The following RSRP1 variants were observed in gnomAD, a reference collection of about 807,000 sequenced individuals.
The protein encoded by RSRP1 is arginine and serine rich protein 1.
RSRP1 carries 37 observed loss-of-function variants against 33.0 expected under a neutral mutation model. That is an observed-to-expected ratio of 1.12 (90% CI 0.86 to 1.48). The LOEUF (loss-of-function observed/expected upper bound fraction) is 1.48, where lower values mean the gene tolerates loss of function less well. Ranked by LOEUF, RSRP1 falls within the 40% of genes most tolerant of loss-of-function variation. The pLI is 0.00. For synonymous variants in RSRP1, 167 were observed against 158.7 expected, an observed-to-expected ratio of 1.05 and a Z score of -0.40; for missense variants, 402 against 385.3, an observed-to-expected ratio of 1.04 and a Z score of -0.36.
chr1:25,244,923 A>G, intron 3 of RSRP1: 2 of 1,379,304 alleles, frequency 1.5e-6, no homozygotes, highest in Admixed American at 3.0e-5. Flanking sequence ...GACTCAAGCC[A>G]TCTGCCTCAT....
chr1:25,246,350 A>C, intron 2 of RSRP1, 94 bp downstream of exon 2: 1 of 1,523,878 alleles, frequency 6.6e-7, no homozygotes, highest in Non-Finnish European at 8.8e-7. Context: ...TAAAGGAACT[A>C]ATATTGAAAC....
chr1:25,257,152 C>T (rs189951464), intron 1 of RSRP1, among the ~76,000 whole-genome samples: 2 of 152,280 alleles, frequency 1.3e-5, no homozygotes, highest in African/African-American at 2.4e-5. Flanking sequence ...AAGGTTGTCA[C>T]GACAATGTAT....
rs551234032 is a variant in RSRP1 at position 25,309,226 on chromosome 1, C to A, written c.-67+28752G>T. Among the ~76,000 whole-genome samples the A allele has an allele frequency of 1.2e-4, 16 of 131,698 alleles. No homozygotes were observed. The South Asian group carries it at 3.7e-3, about 30-fold the overall frequency. 86.4% of individuals were successfully genotyped at this position (131,698 alleles called of 152,430 possible). The stretch of plus-strand genomic sequence containing the variant: ...ACCAGGATGGAGCATTTCCCACAAA[C>A]TGTGGGATTTTTAAGTAATGGGAAG... On this transcript the variant is annotated intron_variant, in intron 1 of 1. Transcript: ENST00000561867.
upstream of RSRP1, chr1:25,247,868 G>C (rs745901593): frequency 2.7e-5 from 4 of 150,704 alleles, no homozygotes; most frequent in Non-Finnish European, 4.4e-5. Context: ...TCGCAGCCGG[G>C]CTCGGAGCTG....
chr1:25,292,276 G>A (rs1159022295), intron 1 of RSRP1, among the ~76,000 whole-genome samples: 1 of 132,304 alleles, frequency 7.6e-6, no homozygotes, highest in Non-Finnish European at 1.8e-5. Flanking sequence ...GGGCAGAGGA[G>A]AGCCATGATC....
At chr1:25,314,438 T>C (rs570519463) in intron 1 of RSRP1, among the ~76,000 whole-genome samples, 1 of 133,172 alleles carries the variant, frequency 7.5e-6, no homozygotes, top group East Asian at 1.9e-4. Flanking sequence ...CTTATTGATT[T>C]GTAGGAATTC....
At position 25,331,038 on chromosome 1, in the gene RSRP1, G is replaced by A. The variant is rs558701956; in HGVS notation, c.-67+6940C>T. Among the ~76,000 whole-genome samples the A allele has an allele frequency of 2.8e-5, 3 of 107,008 alleles. No individual in the cohort carries two copies. In the Admixed American group the frequency reaches 3.1e-4, roughly 11 times the overall value. The allele number at this position is 107,008 out of a possible 152,430, so 70.2% of individuals were successfully genotyped here. ...GAGTGCAGTGGCCCGATGGATCTCG[G>A]CTCACTGCAACCTCTGCCTCCCAGG... On this transcript the variant is annotated intron_variant, in intron 1 of 1. Coordinates refer to the RSRP1 transcript ENST00000561867.
chr1:25,251,061 T>C (rs920235717), upstream of RSRP1, among the ~76,000 whole-genome samples: 2 of 151,148 alleles, frequency 1.3e-5, no homozygotes, highest in African/African-American at 4.9e-5. Context: ...TAGGGGCTTA[T>C]GTGCAAGGGC....
In RSRP1 at chr1:25,245,304, A is replaced by C. The variant is rs113744649; in HGVS notation, c.521-3T>G. 3 of 1,245,718 alleles carry C rather than the reference A, an allele frequency of 2.4e-6. No individual in the cohort carries two copies. Among genetic ancestry groups the C allele is most frequent in the Non-Finnish European group, 3.3e-6 (3 of 917,174 alleles). 77.2% of individuals were successfully genotyped at this position (1,245,718 alleles called of 1,614,324 possible). ...TATTTCTAACAGCTCCATTCGATCTAAAAAAAAAAGAGAGAGATTTTAAAA... is the reference window on the plus strand; with the variant it reads ...TATTTCTAACAGCTCCATTCGATCTCAAAAAAAAAGAGAGAGATTTTAAAA... On this transcript the variant is annotated splice_polypyrimidine_tract_variant and splice_region_variant and intron_variant, in intron 2 of 4. Transcript: ENST00000243189.
In RSRP1 at chr1:25,246,522, G is replaced by C; in HGVS notation, c.442C>G (p.Pro148Ala). 1 of 1,614,238 alleles carries C rather than the reference G, an allele frequency of 6.2e-7. No individual in the cohort carries two copies. ...RYYGFGRTVYPEEHSRWRDRS... is the reference protein window; with the variant it reads ...RYYGFGRTVYAEEHSRWRDRS... ...TCCCTCCATCTGCTGTGCTCCTCCG[G>C]GTACACTGTGCGACCAAAGCCGTAG... Residue 148 changes from proline (P) to alanine (A), a missense_variant, in exon 2 of 5, where the codon CCG becomes GCG. Physicochemically the swap from Pro to Ala is conservative, Grantham distance 27. Transcript: ENST00000243189.
In RSRP1 at chr1:25,276,526, C is replaced by A. The variant is rs1226908129; in HGVS notation, c.-66-29497G>T. On this transcript the variant is annotated intron_variant, in intron 1 of 1. Coordinates refer to the RSRP1 transcript ENST00000561867. Reference sequence around the variant, plus strand: ...TAGGAAACATAGGGAGACCCCCCCCCATCTCTAAAAAAAAAAAAAAAAAAA... The same window carrying A: ...TAGGAAACATAGGGAGACCCCCCCCAATCTCTAAAAAAAAAAAAAAAAAAA... Among the ~76,000 whole-genome samples, 12 of 35,916 alleles carry A rather than the reference C, an allele frequency of 3.3e-4. 3 individuals are homozygous for A. Among genetic ancestry groups the A allele is most frequent in the Non-Finnish European group, 4.9e-4 (8 of 16,436 alleles). 23.6% of individuals were successfully genotyped at this position (35,916 alleles called of 152,430 possible).
chr1:25,290,956 C>T (rs112796281), intron 1 of RSRP1, among the ~76,000 whole-genome samples: 2,314 of 130,776 alleles, frequency 0.018, 211 homozygotes, highest in African/African-American at 0.056. Flanking sequence ...CCAGCCTGGG[C>T]ATCATAGCAA....
At chr1:25,332,048 T>A (rs1645023756) in intron 1 of RSRP1, among the ~76,000 whole-genome samples, 3 of 119,084 alleles carry the variant, frequency 2.5e-5, no homozygotes, top group African/African-American at 8.6e-5. Context: ...CAGATTTTTT[T>A]TTTTTTTTTT....
intron 1 of RSRP1, among the ~76,000 whole-genome samples, chr1:25,255,007 T>C (rs553988807): frequency 6.6e-6 from 1 of 152,262 alleles, no homozygotes; most frequent in African/African-American, 2.4e-5. Context: ...ACGCACACTT[T>C]TGCTCACTAC....
rs1341932880 is a variant in RSRP1, at chr1:25,281,733, G to C, written c.-66-34704C>G. 2.3e-5 allele frequency among the ~76,000 whole-genome samples: 3 copies of C among 131,168 alleles called. 1 individual carries two copies. The highest frequency in any genetic ancestry group is 5.4e-5 in the Non-Finnish European group (3 of 55,460). The allele number at this position is 131,168 out of a possible 152,430, so 86.1% of individuals were successfully genotyped here. A position where few individuals can be genotyped will look rare whatever the true frequency, so the allele number is the denominator to read the frequency against. The stretch of plus-strand genomic sequence containing the variant: ...TCCTTGTTGTCAGAAGAAGTGCAAA[G>C]AGTTGAATCCTTCCTAATGCCCACT... On this transcript the variant is annotated intron_variant, in intron 1 of 1. Coordinates refer to the RSRP1 transcript ENST00000561867.
chr1:25,298,024 T>G (rs1182328129), intron 1 of RSRP1, among the ~76,000 whole-genome samples: 1 of 125,434 alleles, frequency 8.0e-6, no homozygotes, highest in Non-Finnish European at 1.9e-5. Flanking sequence ...GAAAAACGTG[T>G]CCCCTCCACC....
In RSRP1 at chr1:25,336,517, C is replaced by T. The variant is rs904894725; in HGVS notation, c.-67+1461G>A. The T allele has an allele frequency of 4.1e-5, 6 of 147,008 alleles. 1 individual carries two copies. Among genetic ancestry groups the T allele is most frequent in the African/African-American group, 1.6e-4 (6 of 36,534 alleles). The allele number at this position is 147,008 out of a possible 1,614,324, so 9.1% of individuals were successfully genotyped here. ...AAAAGGTAAAGAATGACAAATTAAG[C>T]ATGTATCTTATTAGTAAGAGTAATA... On this transcript the variant is annotated intron_variant, in intron 1 of 1. Transcript: ENST00000561867.
rs1485927519 is a variant in RSRP1, at chr1:25,306,131, C to T, written c.-67+31847G>A. Among the ~76,000 whole-genome samples, 6 of 131,384 alleles carry T rather than the reference C, an allele frequency of 4.6e-5. 1 individual carries two copies. Among genetic ancestry groups the T allele is most frequent in the Admixed American group, 1.5e-4 (2 of 13,554 alleles). 86.2% of individuals were successfully genotyped at this position (131,384 alleles called of 152,430 possible). A position where few individuals can be genotyped will look rare whatever the true frequency, so the allele number is the denominator to read the frequency against. ...GGGCTAGACCAGTGGGTCTTGGTCA[C>T]CCCCCAGGGGACATCTTACAATGTC... On this transcript the variant is annotated intron_variant, in intron 1 of 1. Transcript: ENST00000561867.
chr1:25,304,393 G>A (rs1557545562), intron 1 of RSRP1: 1 of 126,966 alleles, frequency 7.9e-6, no homozygotes. Flanking sequence ...GAGGTCAGGA[G>A]TTCAAGACCA....
Sources: allele counts gnomAD v4.1 joint callset (sites outside exome capture counted in the v4.1 genomes callset), GRCh38; gene constraint gnomAD v4.1.1; transcripts MANE v1.5; gene names NCBI Gene and HGNC (gene_info 2026-07-23, HGNC 2026-07-21).